BMPR1A: variants seen among roughly 807,000 people sequenced by gnomAD.
BMPR1A encodes bone morphogenetic protein receptor type-1A.
BMPR1A carries 7 observed loss-of-function variants against 66.0 expected under a neutral mutation model. That is an observed-to-expected ratio of 0.11 (90% confidence interval 0.06 to 0.20). The LOEUF (loss-of-function observed/expected upper bound fraction) is 0.20. BMPR1A is among the 10% of genes least tolerant of loss of function. The pLI is 1.00. For missense variants in BMPR1A, 408 were observed against 669.1 expected (o/e 0.61, Z 4.31); for synonymous variants, 200 against 229.7 (o/e 0.87, Z 1.17).
At chr10:86,916,586 C>T (rs1329460463) in intron 8 of BMPR1A, among the ~76,000 whole-genome samples, 1 of 152,244 alleles carries the variant, frequency 6.6e-6, no homozygotes, top group Non-Finnish European at 1.5e-5. Context: ...AGACTACCCA[C>T]GACTGTGTGC....
intron 1 of BMPR1A, among the ~76,000 whole-genome samples, chr10:86,797,226 G>A (rs560096596): frequency 3.1e-4 from 32 of 102,774 alleles, no homozygotes; most frequent in Non-Finnish European, 5.4e-4. Context: ...CACCAAGCCC[G>A]GCTAATTTTT....
At chr10:86,871,769 T>C (rs937410766) in intron 2 of BMPR1A, among the ~76,000 whole-genome samples, 1 of 151,662 alleles carries the variant, frequency 6.6e-6, no homozygotes, top group Non-Finnish European at 1.5e-5. Context: ...ACCACTGCAC[T>C]TCAGCCTGGG....
intron 1 of BMPR1A, among the ~76,000 whole-genome samples, chr10:86,830,721 A>C (rs1298053067): frequency 2.0e-5 from 3 of 152,152 alleles, no homozygotes; most frequent in Non-Finnish European, 4.4e-5. Context: ...ATCCTAGATG[A>C]GGCTTTTATC....
chr10:86,923,289 TC>T, intron 11 of BMPR1A, 86 bp from the exon 12 acceptor site: 1 of 1,564,284 alleles, frequency 6.4e-7, no homozygotes, highest in South Asian at 1.1e-5. Flanking sequence ...CCGTTTTAGT[TC>T]CATAGTTTAG....
intron 2 of BMPR1A, among the ~76,000 whole-genome samples, chr10:86,854,189 C>T (rs1365509912): frequency 1.3e-5 from 2 of 152,188 alleles, no homozygotes; most frequent in African/African-American, 2.4e-5. Flanking sequence ...GGCTCTGTTC[C>T]GCCCGGCTCA....
At chr10:86,824,081 T>TGTGTGTGTGTGTGTGTGTGTGTGTGTG (rs1842157809) in intron 1 of BMPR1A, among the ~76,000 whole-genome samples, 3 of 94,130 alleles carry the variant, frequency 3.2e-5, no homozygotes, top group Admixed American at 1.2e-4. Context: ...TTACCAAGGG[T>TGTGTGTGTGTGTGTGTGTGTGTGTGTG]TGTGTGTGTG....
chr10:86,799,497 CCTTCCTTCCTTTCT>C (rs1841777521), intron 1 of BMPR1A, among the ~76,000 whole-genome samples: 3 of 109,780 alleles, frequency 2.7e-5, no homozygotes, highest in Non-Finnish European at 5.3e-5. Context: ...TTCCTTCCTT[CCTTCCTTCCTTTCT>C]TTTCTTTTCT....
At chr10:86,797,423 G>T (rs962808567) in intron 1 of BMPR1A, among the ~76,000 whole-genome samples, 1 of 151,900 alleles carries the variant, frequency 6.6e-6, no homozygotes, top group Non-Finnish European at 1.5e-5. Context: ...GTAGAGATGG[G>T]GTTTCGCAGT....
Position 86,912,252 on chromosome 10 carries a change from G to C in BMPR1A, c.543G>C (p.Lys181Asn). The change falls in exon 8 of 13, where the codon AAG becomes AAC. Residue 181 changes from lysine to asparagine, a missense_variant. Lys to Asn is a moderately conservative substitution (Grantham distance 94). This residue lies in a region of BMPR1A where 174 missense variants were observed against 265.1 expected (regional missense o/e 0.66). Transcript: ENST00000372037. ...SSCFCYKHYC[K>N]SISSRRRYNR... ...GCTTTTTTAAAAGACATTATTGCAAGAGCATCTCAAGCAGACGTCGTTACA... is the reference window on the plus strand; with the variant it reads ...GCTTTTTTAAAAGACATTATTGCAACAGCATCTCAAGCAGACGTCGTTACA... 1 of 1,613,494 alleles carries C rather than the reference G, an allele frequency of 6.2e-7. No homozygotes were observed. Among genetic ancestry groups the C allele is most frequent in the Non-Finnish European group, 8.5e-7 (1 of 1,179,864 alleles).
chr10:86,913,940 A>G (rs1230386433), intron 8 of BMPR1A, among the ~76,000 whole-genome samples: 1 of 152,202 alleles, frequency 6.6e-6, no homozygotes, highest in Non-Finnish European at 1.5e-5. Flanking sequence ...AAAGGACTAG[A>G]AGAGCCAAAA....
chr10:86,839,547 C>T (rs1842395978), intron 2 of BMPR1A, among the ~76,000 whole-genome samples: 1 of 130,848 alleles, frequency 7.6e-6, no homozygotes, highest in Admixed American at 9.0e-5. Context: ...GAGCTGAGAT[C>T]ATGCCGCTGT....
intron 2 of BMPR1A, among the ~76,000 whole-genome samples, chr10:86,856,661 A>C (rs1842646112): frequency 6.6e-6 from 1 of 152,236 alleles, no homozygotes. Flanking sequence ...TTATATGTAT[A>C]TATCTCATGT....
intron 5 of BMPR1A, 139 bp from the exon 6 acceptor site, chr10:86,899,655 T>G: frequency 1.1e-6 from 1 of 877,774 alleles, no homozygotes; most frequent in Non-Finnish European, 1.8e-6. Flanking sequence ...TTTTAATCTT[T>G]CAATAATCTG....
chr10:86,915,740 A>G (rs1030699181), intron 8 of BMPR1A, among the ~76,000 whole-genome samples: 1 of 152,194 alleles, frequency 6.6e-6, no homozygotes, highest in African/African-American at 2.4e-5. Context: ...AAAACAGAAC[A>G]AAATTTACAA....
At chr10:86,852,836 A>G (rs1247381333) in intron 2 of BMPR1A, among the ~76,000 whole-genome samples, 1 of 152,200 alleles carries the variant, frequency 6.6e-6, no homozygotes, top group Non-Finnish European at 1.5e-5. Context: ...TATTGTTATT[A>G]TGTGCACTTT....
downstream of BMPR1A, chr10:86,929,604 C>G (rs943944037): frequency 6.6e-6 from 1 of 152,188 alleles, no homozygotes; most frequent in Non-Finnish European, 1.5e-5. Flanking sequence ...AGATTCCTCA[C>G]GGGAGTCTCT....
chr10:86,851,628 T>C (rs1238193568), intron 2 of BMPR1A, among the ~76,000 whole-genome samples: 1 of 152,150 alleles, frequency 6.6e-6, no homozygotes, highest in African/African-American at 2.4e-5. Context: ...GAGGATTGCA[T>C]ACACAAGGGA....
intron 1 of BMPR1A, among the ~76,000 whole-genome samples, chr10:86,805,703 C>T (rs951696537): frequency 6.6e-6 from 1 of 152,046 alleles, no homozygotes; most frequent in Admixed American, 6.5e-5. Flanking sequence ...CCTCATGATC[C>T]ACCTGCCTCG....
At chr10:86,911,610 C>A (rs1228398090) in intron 7 of BMPR1A, among the ~76,000 whole-genome samples, 1 of 151,978 alleles carries the variant, frequency 6.6e-6, no homozygotes, top group Non-Finnish European at 1.5e-5. Flanking sequence ...ATTAGCTGGG[C>A]ATGGTGGCAC....
Sources: allele counts gnomAD v4.1 joint callset (sites outside exome capture counted in the v4.1 genomes callset), GRCh38; gene constraint gnomAD v4.1.1; regional missense constraint gnomAD v4.1.1; transcripts MANE v1.5; gene names NCBI Gene and HGNC (gene_info 2026-07-23, HGNC 2026-07-21).